The following SGCZ variants were observed in gnomAD, a reference collection of about 807,000 sequenced individuals.
The protein encoded by SGCZ is zeta-sarcoglycan.
In SGCZ, 40 loss-of-function variants were observed where a neutral mutation model predicts 41.3. The observed-to-expected ratio is 0.97, with a 90% CI of 0.75 to 1.26. The LOEUF (loss-of-function observed/expected upper bound fraction) is 1.26. Among genes scored for constraint, SGCZ ranks in the 50% most tolerant of loss-of-function variants. The pLI is 0.00. For synonymous variants in SGCZ, 206 were observed against 137.5 expected (o/e 1.50, Z -3.49); for missense variants, 552 against 369.8 (o/e 1.49, Z -4.04).
chr8:15,026,681 G>A (rs968465230), intron 1 of SGCZ, among the ~76,000 whole-genome samples: 2 of 152,136 alleles, frequency 1.3e-5, no homozygotes, highest in Non-Finnish European at 1.5e-5. Flanking sequence ...CTCTAATAAA[G>A]CTTCTGGAAC....
chr8:14,388,695 A>T (rs1472090427), intron 2 of SGCZ, among the ~76,000 whole-genome samples: 2 of 152,094 alleles, frequency 1.3e-5, no homozygotes, highest in Non-Finnish European at 2.9e-5. Flanking sequence ...TGGGTGGCAA[A>T]TCCTTGAAGA....
chr8:15,089,548 C>T (rs1806073502), intron 1 of SGCZ, among the ~76,000 whole-genome samples: 1 of 152,062 alleles, frequency 6.6e-6, no homozygotes, highest in South Asian at 2.1e-4. Flanking sequence ...AATTAACTTT[C>T]ATCGAGTTTA....
intron 1 of SGCZ, among the ~76,000 whole-genome samples, chr8:15,054,559 T>G (rs1033903819): frequency 2.6e-5 from 4 of 152,190 alleles, no homozygotes; most frequent in African/African-American, 9.7e-5. Flanking sequence ...AGCCGTAGTA[T>G]ATAACAGTTT....
At chr8:15,142,151 A>C (rs1798907004) in intron 1 of SGCZ, among the ~76,000 whole-genome samples, 1 of 152,188 alleles carries the variant, frequency 6.6e-6, no homozygotes. Context: ...ACACGAGATG[A>C]TTCTTTTCAT....
intron 1 of SGCZ, among the ~76,000 whole-genome samples, chr8:14,628,559 T>C (rs1217703424): frequency 6.6e-6 from 1 of 151,996 alleles, no homozygotes; most frequent in Admixed American, 6.6e-5. Context: ...AAGGAAGCAA[T>C]AGGTTCCATG....
chr8:14,112,415 A>G (rs1404905877), intron 5 of SGCZ, among the ~76,000 whole-genome samples: 2 of 152,050 alleles, frequency 1.3e-5, no homozygotes, highest in East Asian at 1.9e-4. Flanking sequence ...TCCCAGCCCT[A>G]TGGCACTTGA....
chr8:14,088,681 TAATA>T lies in SGCZ; in HGVS notation c.*1758_*1761del, dbSNP rs1216109989. On this transcript the variant is annotated 3_prime_UTR_variant, in exon 8 of 8. Coordinates refer to ENST00000382080, the MANE Select transcript of SGCZ (RefSeq NM_139167.4). ...ATATAATCACATTTTATTTTAACAG[TAATA>T]AATTAGCCTTTGAACCCTTCTGCTG... 6.6e-6 allele frequency among the ~76,000 whole-genome samples: 1 copy of T among 151,940 alleles called. No individual in the cohort carries two copies. The highest frequency in any genetic ancestry group is 1.5e-5 in the Non-Finnish European group (1 of 67,896).
intron 1 of SGCZ, among the ~76,000 whole-genome samples, chr8:14,691,355 G>A (rs1161388242): frequency 6.6e-6 from 1 of 152,000 alleles, no homozygotes; most frequent in East Asian, 1.9e-4. Flanking sequence ...AATGCATTTA[G>A]GTGGCAGAGA....
intron 1 of SGCZ, among the ~76,000 whole-genome samples, chr8:14,957,541 A>G (rs2130846071): frequency 6.6e-6 from 1 of 152,162 alleles, no homozygotes; most frequent in Middle Eastern, 3.4e-3. Context: ...AATTTTACAA[A>G]TCATTCACAT....
chr8:14,158,754 A>C (rs1426110080), intron 5 of SGCZ, among the ~76,000 whole-genome samples: 1 of 152,020 alleles, frequency 6.6e-6, no homozygotes, highest in African/African-American at 2.4e-5. Flanking sequence ...ACCATATTCT[A>C]TATATATATA....
At chr8:14,984,622 C>T (rs1801771819) in intron 1 of SGCZ, among the ~76,000 whole-genome samples, 1 of 152,028 alleles carries the variant, frequency 6.6e-6, no homozygotes, top group African/African-American at 2.4e-5. Flanking sequence ...TATCCTGTAA[C>T]TTTGGTCATT....
In SGCZ at chr8:14,324,286, GA is replaced by G. The variant is rs1802020373; in HGVS notation, c.235-83del. On this transcript the variant is annotated intron_variant, in intron 2 of 7. Coordinates refer to ENST00000382080, the MANE Select transcript of SGCZ (RefSeq NM_139167.4). ...CATAATTTTCTTAGGCCTAAATTGA[GA>G]AAACAGTGAGCTCAAATCAGTGATG... 6.5e-6 allele frequency: 6 copies of G among 920,148 alleles called. No homozygotes were observed. In the East Asian group the frequency reaches 1.5e-4, roughly 22 times the overall value. The allele number at this position is 920,148 out of a possible 1,614,324, so 57.0% of individuals were successfully genotyped here.
intron 3 of SGCZ, among the ~76,000 whole-genome samples, chr8:14,315,133 C>CT (rs1261065799): frequency 6.6e-6 from 1 of 152,086 alleles, no homozygotes; most frequent in African/African-American, 2.4e-5. Context: ...TCTGGCTCAC[C>CT]TTGGAGTCCT....
chr8:14,915,361 G>A (rs953996999), intron 1 of SGCZ, among the ~76,000 whole-genome samples: 60 of 152,148 alleles, frequency 3.9e-4, no homozygotes, highest in African/African-American at 1.4e-3. Context: ...AGAAAGTAAG[G>A]GACTAGGAGT....
At chr8:14,964,110 G>A (rs1801055470) in intron 1 of SGCZ, among the ~76,000 whole-genome samples, 1 of 152,142 alleles carries the variant, frequency 6.6e-6, no homozygotes, top group African/African-American at 2.4e-5. Flanking sequence ...TCTGTAAATG[G>A]AAAGGTTTGC....
intron 1 of SGCZ, among the ~76,000 whole-genome samples, chr8:15,005,399 T>G (rs756890322): frequency 6.9e-5 from 10 of 145,722 alleles, no homozygotes. Flanking sequence ...TGGCGTGATC[T>G]CGGCTCATCA....
chr8:14,151,165 T>A (rs1431164817), intron 5 of SGCZ, among the ~76,000 whole-genome samples: 1 of 152,080 alleles, frequency 6.6e-6, no homozygotes, highest in Non-Finnish European at 1.5e-5. Context: ...TTAAAATGTA[T>A]CTTAAAGAGT....
intron 1 of SGCZ, among the ~76,000 whole-genome samples, chr8:14,903,600 T>A (rs1462290948): frequency 3.3e-5 from 5 of 151,908 alleles, no homozygotes; most frequent in African/African-American, 1.2e-4. Context: ...TTGGAAAAAA[T>A]TAGAAAAGTT....
intron 1 of SGCZ, among the ~76,000 whole-genome samples, chr8:14,939,601 AAG>A (rs1800201299): frequency 6.6e-6 from 1 of 152,188 alleles, no homozygotes. Context: ...TAAAATGAAA[AAG>A]AGAGTGGATG....
Sources: allele counts gnomAD v4.1 joint callset (sites outside exome capture counted in the v4.1 genomes callset), GRCh38; gene constraint gnomAD v4.1.1; transcripts MANE v1.5; gene names NCBI Gene and HGNC (gene_info 2026-07-23, HGNC 2026-07-21).